LYPD6B: variants seen among roughly 807,000 people sequenced by gnomAD.
LYPD6B encodes the protein ly6/PLAUR domain-containing protein 6B.
Under a neutral mutation model 22.8 loss-of-function variants are expected in LYPD6B, and 17 were observed. The observed-to-expected ratio is 0.75, with a 90% confidence interval of 0.51 to 1.12. LYPD6B has a LOEUF of 1.12. Among genes scored for constraint, LYPD6B ranks in the 50% most tolerant of loss-of-function variants. The pLI is 0.00. For synonymous variants in LYPD6B, 106 were observed against 91.6 expected, an observed-to-expected ratio of 1.16 and a Z score of -0.90; for missense variants, 221 against 258.3, an observed-to-expected ratio of 0.86 and a Z score of 0.99.
At chr2:149,209,349 G>C (rs1362222339) in intron 5 of LYPD6B, among the ~76,000 whole-genome samples, 1 of 152,132 alleles carries the variant, frequency 6.6e-6, no homozygotes, top group Non-Finnish European at 1.5e-5. Flanking sequence ...AGGTTGGTAG[G>C]AGCAGAGGAG....
intron 3 of LYPD6B, among the ~76,000 whole-genome samples, chr2:149,185,666 GC>G (rs1336107770): frequency 2.6e-5 from 4 of 152,152 alleles, no homozygotes; most frequent in Non-Finnish European, 4.4e-5. Flanking sequence ...ATTGCATTTG[GC>G]TTTATTGCAC....
chr2:149,111,387 G>T (rs750974305), intron 1 of LYPD6B, among the ~76,000 whole-genome samples: 1 of 152,144 alleles, frequency 6.6e-6, no homozygotes. Flanking sequence ...GGAGTTGGTA[G>T]TGGTGAAGGT....
intron 1 of LYPD6B, among the ~76,000 whole-genome samples, chr2:149,067,594 T>G (rs868098748): frequency 3.0e-4 from 46 of 151,876 alleles, no homozygotes; most frequent in South Asian, 1.9e-3. Context: ...GCATTATATA[T>G]TATCCTCATA....
intron 2 of LYPD6B, among the ~76,000 whole-genome samples, chr2:149,152,959 C>G (rs969617348): frequency 6.6e-6 from 1 of 152,152 alleles, no homozygotes; most frequent in Non-Finnish European, 1.5e-5. Flanking sequence ...TGCCATGAGG[C>G]TTATGGCAAG....
In LYPD6B at chr2:149,085,145, G is replaced by A. The variant is rs886946316; in HGVS notation, c.-66-45738G>A. 2.0e-5 allele frequency among the ~76,000 whole-genome samples: 3 copies of A among 152,164 alleles called. No individual in the cohort carries two copies. In the East Asian group the frequency reaches 5.8e-4, roughly 29 times the overall value. On this transcript the variant is annotated intron_variant, in intron 1 of 6. Transcript: ENST00000409642. Reference sequence around the variant, plus strand: ...GCTGATGTGTCATACTCCCCATACCGATGAGAAAGCTGAGCCACCGTGAGG... The same window carrying A: ...GCTGATGTGTCATACTCCCCATACCAATGAGAAAGCTGAGCCACCGTGAGG...
intron 3 of LYPD6B, among the ~76,000 whole-genome samples, chr2:149,194,590 C>A (rs1388841879): frequency 1.3e-5 from 2 of 152,166 alleles, no homozygotes; most frequent in Non-Finnish European, 2.9e-5. Flanking sequence ...ATGGTAGCTG[C>A]AGAGTTGGCC....
At chr2:149,095,301 TA>T (rs1282383870) in intron 1 of LYPD6B, among the ~76,000 whole-genome samples, 1 of 151,896 alleles carries the variant, frequency 6.6e-6, no homozygotes, top group Non-Finnish European at 1.5e-5. Flanking sequence ...CATATTTAAA[TA>T]AAAAAATAAA....
rs1253865640 is a variant in LYPD6B at position 149,183,961 on chromosome 2, G to T, written c.78-21292G>T. On this transcript the variant is annotated intron_variant, in intron 3 of 6. Transcript: ENST00000409642. Reference sequence around the variant, plus strand: ...TAATTGCAGCACTTTGGGAGGCCGAGGTGGGTGGATCACCTGAGGTTGGGA... The same window carrying T: ...TAATTGCAGCACTTTGGGAGGCCGATGTGGGTGGATCACCTGAGGTTGGGA... Among the ~76,000 whole-genome samples, 13 of 152,178 alleles carry T rather than the reference G, an allele frequency of 8.5e-5. No homozygotes were observed. The South Asian group carries it at 2.5e-3, about 29-fold the overall frequency.
chr2:149,137,924 A>G (rs79226587), intron 2 of LYPD6B, among the ~76,000 whole-genome samples: 277 of 152,252 alleles, frequency 1.8e-3, no homozygotes, highest in African/African-American at 6.4e-3. Flanking sequence ...GTGCCATATA[A>G]AATTATCTGT....
chr2:149,060,598 C>T lies in LYPD6B; in HGVS notation c.-67+21797C>T, dbSNP rs372928729. On this transcript the variant is annotated intron_variant, in intron 1 of 6. Transcript: ENST00000409642. ...TTCCTGGGGTTTGGCTGAGACCTGGCTGGACATGCAGTTTGGGACCCAAGC... is the reference window on the plus strand; with the variant it reads ...TTCCTGGGGTTTGGCTGAGACCTGGTTGGACATGCAGTTTGGGACCCAAGC... 7.9e-4 allele frequency among the ~76,000 whole-genome samples: 120 copies of T among 152,214 alleles called. 1 individual carries two copies. Among genetic ancestry groups the T allele is most frequent in the Admixed American group, 1.2e-3 (19 of 15,290 alleles).
chr2:149,130,026 G>C (rs150336088), intron 1 of LYPD6B, among the ~76,000 whole-genome samples: 44 of 152,178 alleles, frequency 2.9e-4, no homozygotes, highest in African/African-American at 1.0e-3. Flanking sequence ...CTCCAGTTAA[G>C]TGGGTACACC....
chr2:149,132,996 T>G (rs1191158105), intron 2 of LYPD6B, among the ~76,000 whole-genome samples: 2 of 152,222 alleles, frequency 1.3e-5, no homozygotes, highest in East Asian at 3.8e-4. Flanking sequence ...AGTTTTGTTT[T>G]TACTAGGTTC....
chr2:149,174,671 A>G (rs191547196), intron 3 of LYPD6B, among the ~76,000 whole-genome samples: 1 of 152,130 alleles, frequency 6.6e-6, no homozygotes, highest in East Asian at 1.9e-4. Context: ...TTCTGTTTAT[A>G]TGATGAATCG....
At chr2:149,072,847 A>G (rs1490268697) in intron 1 of LYPD6B, among the ~76,000 whole-genome samples, 2 of 152,060 alleles carry the variant, frequency 1.3e-5, no homozygotes, top group Non-Finnish European at 1.5e-5. Flanking sequence ...TGGATTTGCA[A>G]TTTTAAATAG....
intron 3 of LYPD6B, among the ~76,000 whole-genome samples, chr2:149,202,100 A>G (rs1693198813): frequency 6.6e-6 from 1 of 152,202 alleles, no homozygotes; most frequent in Admixed American, 6.5e-5. Context: ...TTTGCAGTGT[A>G]TCTGAATTCC....
chr2:149,164,624 C>T (rs10490383), intron 3 of LYPD6B, among the ~76,000 whole-genome samples: 17,797 of 152,268 alleles, frequency 0.12, 1,299 homozygotes, highest in Non-Finnish European at 0.15. Context: ...TGTATTCCCA[C>T]GATATCCCTC....
At chr2:149,070,722 A>T (rs1458010105) in intron 1 of LYPD6B, among the ~76,000 whole-genome samples, 1 of 152,178 alleles carries the variant, frequency 6.6e-6, no homozygotes, top group Non-Finnish European at 1.5e-5. Context: ...TTTTGAGGTC[A>T]ATTTTGAGGT....
At chr2:149,075,831 G>A (rs1452588776) in intron 1 of LYPD6B, among the ~76,000 whole-genome samples, 2 of 152,212 alleles carry the variant, frequency 1.3e-5, no homozygotes, top group African/African-American at 4.8e-5. Context: ...AAACAGATAT[G>A]TAATCCATAT....
intron 1 of LYPD6B, among the ~76,000 whole-genome samples, chr2:149,099,428 T>TGTACCTAGGATCCTTGGTCCCCTC (rs547342671): frequency 0.24 from 33,616 of 140,298 alleles, 4,670 homozygotes; most frequent in East Asian, 0.51. Flanking sequence ...CTAGGATCCT[T>TGTACCTAGGATCCTTGGTCCCCTC]GTACCTAGGA....
Sources: gnomAD v4.1 joint callset for allele counts (sites outside exome capture counted in the v4.1 genomes callset) on GRCh38, gnomAD v4.1.1 for gene constraint, MANE v1.5 for transcripts, NCBI Gene and HGNC (gene_info 2026-07-23, HGNC 2026-07-21) for gene names.